The following PCNX2 variants were observed in gnomAD, a reference collection of about 807,000 sequenced individuals.
PCNX2 encodes pecanex 2.
Under a neutral mutation model 223.8 loss-of-function variants are expected in PCNX2, and 168 were observed. The observed-to-expected ratio is 0.75, with a 90% CI of 0.66 to 0.85. The LOEUF is 0.85. Ranked by LOEUF, PCNX2 falls within the 40% of genes least tolerant of loss-of-function variation. PCNX2 has a pLI of 0.00. For missense variants in PCNX2, 2,507 were observed against 2,675.5 expected, an observed-to-expected ratio of 0.94 and a Z score of 1.39; for synonymous variants, 1,006 against 1,052.6, an observed-to-expected ratio of 0.96 and a Z score of 0.86.
intron 10 of PCNX2, among the ~76,000 whole-genome samples, chr1:233,222,077 G>C (rs1657412216): frequency 6.6e-6 from 1 of 152,112 alleles, no homozygotes; most frequent in African/African-American, 2.4e-5. Flanking sequence ...AAAAAGAATA[G>C]AACCAGGCGA....
intron 19 of PCNX2, among the ~76,000 whole-genome samples, chr1:233,141,516 G>A (rs1409630622): frequency 6.6e-6 from 1 of 151,924 alleles, no homozygotes; most frequent in African/African-American, 2.4e-5. Flanking sequence ...AAATACAAAA[G>A]TTAGCTGGGC....
Position 233,258,087 on chromosome 1 carries a change from G to C in PCNX2, c.1775C>G (p.Thr592Arg), listed in dbSNP as rs201633704. Residue 592 changes from threonine to arginine, a missense_variant, in exon 5 of 34, where the codon ACG (threonine) becomes AGG (arginine). Thr to Arg is a moderately conservative substitution (Grantham distance 71). Transcript: ENST00000258229. ...TGAGCCATTCAGTTGACTGGATGCC[G>C]TCATCTTGGAAGTATTAATGGATTC... ...LLESINTSKM[T>R]ASSQLNGSAE... 6.2e-7 allele frequency: 1 copy of C among 1,613,802 alleles called. No homozygotes were observed. The highest frequency in any genetic ancestry group is 1.1e-5 in the South Asian group (1 of 91,084).
chr1:233,062,254 T>A (rs937430195), intron 23 of PCNX2, among the ~76,000 whole-genome samples: 1 of 152,218 alleles, frequency 6.6e-6, no homozygotes, highest in Non-Finnish European at 1.5e-5. Context: ...AAGGTTTTTT[T>A]CATTTTCTAT....
intron 25 of PCNX2, among the ~76,000 whole-genome samples, chr1:233,047,908 C>T (rs892121679): frequency 2.0e-5 from 3 of 152,120 alleles, no homozygotes; most frequent in Admixed American, 6.6e-5. Flanking sequence ...ACAGAATATA[C>T]ATTCCTCATC....
intron 23 of PCNX2, chr1:233,057,546 C>G (rs1022415435): frequency 5.2e-6 from 2 of 381,810 alleles, no homozygotes; most frequent in African/African-American, 4.1e-5. Context: ...GTGTCTTAAT[C>G]AATTTGGAGC....
intron 8 of PCNX2, among the ~76,000 whole-genome samples, chr1:233,244,761 T>G (rs1659002415): frequency 6.6e-6 from 1 of 152,164 alleles, no homozygotes; most frequent in Non-Finnish European, 1.5e-5. Flanking sequence ...AAAATTTAAT[T>G]TGAGTCTCCA....
intron 21 of PCNX2, among the ~76,000 whole-genome samples, chr1:233,130,660 T>C (rs574424278): frequency 6.6e-6 from 1 of 152,186 alleles, no homozygotes; most frequent in African/African-American, 2.4e-5. Context: ...AATTTTTGTA[T>C]TTTTAGTAGA....
chr1:233,265,611 C>G (rs941001539), intron 1 of PCNX2, among the ~76,000 whole-genome samples: 3 of 152,192 alleles, frequency 2.0e-5, no homozygotes, highest in Non-Finnish European at 2.9e-5. Context: ...CCTATAAACA[C>G]AAGATGAGCC....
At chr1:233,087,195 C>T in intron 23 of PCNX2, 1 of 985,330 alleles carries the variant, frequency 1.0e-6, no homozygotes, top group Non-Finnish European at 1.2e-6. Flanking sequence ...TAGAGACCTG[C>T]ACAAACAAAA....
At chr1:233,028,226 T>C (rs1196520404) in intron 25 of PCNX2, among the ~76,000 whole-genome samples, 2 of 152,246 alleles carry the variant, frequency 1.3e-5, no homozygotes, top group African/African-American at 4.8e-5. Flanking sequence ...ACATGAAGTG[T>C]TCTGTAAATG....
chr1:232,984,253 T>C lies in PCNX2; in HGVS notation c.*51A>G. ...ATTTGGGGAGCACGAGGGAGAGCAA[T>C]GCAGGTGGGAGGTGTGGGGGAGCCA... On this transcript the variant is annotated 3_prime_UTR_variant, in exon 34 of 34. Coordinates refer to ENST00000258229, the MANE Select transcript of PCNX2 (RefSeq NM_014801.4). 3 of 1,500,712 alleles carry C rather than the reference T, an allele frequency of 2.0e-6. No individual in the cohort carries two copies. Among genetic ancestry groups the C allele is most frequent in the South Asian group, 2.6e-5 (2 of 75,546 alleles). The allele number at this position is 1,500,712 out of a possible 1,614,324, so 93.0% of individuals were successfully genotyped here.
intron 21 of PCNX2, among the ~76,000 whole-genome samples, chr1:233,112,389 T>C (rs1675164379): frequency 6.6e-6 from 1 of 152,212 alleles, no homozygotes; most frequent in South Asian, 2.1e-4. Context: ...AGGGCACTCC[T>C]AGGTGCTGAA....
chr1:233,233,700 C>T lies in PCNX2; in HGVS notation c.2358+3145G>A, dbSNP rs543499021. ...TTGCGGGGGAAGCACTCCCAGAGCT[C>T]GTGTGCTGCACTTGAAGGAGAGAGG... On this transcript the variant is annotated intron_variant, in intron 9 of 33. Coordinates refer to ENST00000258229, the MANE Select transcript of PCNX2 (RefSeq NM_014801.4). 3.9e-5 allele frequency among the ~76,000 whole-genome samples: 6 copies of T among 152,010 alleles called. No individual in the cohort carries two copies. In the South Asian group the frequency reaches 6.2e-4, roughly 16 times the overall value.
chr1:233,262,246 C>T, intron 2 of PCNX2, 81 bp from the exon 3 acceptor site: 2 of 1,539,104 alleles, frequency 1.3e-6, no homozygotes, highest in East Asian at 2.3e-5. Context: ...AGTCTAAAAA[C>T]TTTTTTTCCT....
At chr1:233,145,979 T>G (rs1677426467) in intron 19 of PCNX2, among the ~76,000 whole-genome samples, 2 of 152,040 alleles carry the variant, frequency 1.3e-5, no homozygotes, top group South Asian at 4.1e-4. Context: ...TGCTCCAAAA[T>G]CCAAAGCTTT....
At chr1:233,086,648 G>T (rs1359719112) in intron 23 of PCNX2, among the ~76,000 whole-genome samples, 5 of 151,946 alleles carry the variant, frequency 3.3e-5, no homozygotes, top group Non-Finnish European at 7.4e-5. Context: ...TCCAGCCTGG[G>T]CAATAGAGCA....
intron 17 of PCNX2, among the ~76,000 whole-genome samples, chr1:233,166,996 C>T (rs4649287): frequency 0.092 from 14,048 of 151,910 alleles, 856 homozygotes; most frequent in East Asian, 0.31. Flanking sequence ...AAAAAAGATA[C>T]TAAAAACAGA....
intron 9 of PCNX2, 60 bp downstream of exon 9, chr1:233,236,785 A>G: frequency 6.3e-7 from 1 of 1,580,820 alleles, no homozygotes; most frequent in Non-Finnish European, 8.6e-7. Flanking sequence ...ACCTGGAAAA[A>G]GGTTTTAAGA....
the PCNX2 span, among the ~76,000 whole-genome samples, chr1:233,318,350 T>A: frequency 6.6e-6 from 1 of 152,138 alleles, no homozygotes; most frequent in African/African-American, 2.4e-5. Flanking sequence ...GTTTTTCATC[T>A]CTCCTCATAT....
Sources: gnomAD v4.1 joint callset for allele counts (sites outside exome capture counted in the v4.1 genomes callset) on GRCh38, gnomAD v4.1.1 for gene constraint, MANE v1.5 for transcripts, NCBI Gene and HGNC (gene_info 2026-07-23, HGNC 2026-07-21) for gene names.